TBL1X: variants seen among roughly 807,000 people sequenced by gnomAD.
The protein encoded by TBL1X is transducin beta like 1 X-linked.
Under a neutral mutation model 50.7 loss-of-function variants are expected in TBL1X, and 10 were observed. The observed-to-expected ratio is 0.20, with a 90% CI of 0.12 to 0.33. The LOEUF is 0.33. Among genes scored for constraint, TBL1X ranks in the 10% least tolerant of loss-of-function variants. The pLI, the probability that TBL1X is intolerant of heterozygous loss-of-function variation, is 1.00. For missense variants in TBL1X, 340 were observed against 504.4 expected (o/e 0.67, Z 3.12); for synonymous variants, 190 against 214.7 (o/e 0.88, Z 1.01).
At chrX:9,566,106 A>G (rs2082350176) in intron 2 of TBL1X, among the ~76,000 whole-genome samples, 1 of 112,212 alleles carries the variant, frequency 8.9e-6, no homozygotes, top group African/African-American at 3.2e-5. Flanking sequence ...ACATTTTGGC[A>G]TAGTTAAAAG....
At chrX:9,675,571 T>C (rs2082988630) in intron 5 of TBL1X, among the ~76,000 whole-genome samples, 1 of 111,462 alleles carries the variant, frequency 9.0e-6, no homozygotes, top group Admixed American at 9.5e-5. Context: ...TCTGTGACCA[T>C]GATGATTATA....
intron 2 of TBL1X, among the ~76,000 whole-genome samples, chrX:9,541,774 C>T (rs1020832414): frequency 9.0e-6 from 1 of 111,271 alleles, no homozygotes; most frequent in African/African-American, 3.3e-5. Context: ...TTGGTCACCC[C>T]TCACTTGGCA....
At chrX:9,661,972 AACC>A (rs1200771801) in intron 5 of TBL1X, among the ~76,000 whole-genome samples, 4 of 111,542 alleles carry the variant, frequency 3.6e-5, no homozygotes, top group African/African-American at 9.8e-5. Context: ...GTTCAAAGCC[AACC>A]AGTCTGGATT....
At chrX:9,541,451 T>C (rs192083347) in intron 2 of TBL1X, among the ~76,000 whole-genome samples, 1 of 111,866 alleles carries the variant, frequency 8.9e-6, no homozygotes, top group Admixed American at 9.5e-5. Context: ...TTGGAGCCCA[T>C]GGGAACTGAT....
chrX:9,660,226 G>A (rs2082889842), intron 5 of TBL1X, among the ~76,000 whole-genome samples: 1 of 112,428 alleles, frequency 8.9e-6, no homozygotes, highest in Non-Finnish European at 1.9e-5. Flanking sequence ...TTCCCTACCT[G>A]GAGCTTTGTG....
chrX:9,536,365 G>C (rs756748846), intron 2 of TBL1X, among the ~76,000 whole-genome samples: 44 of 108,761 alleles, frequency 4.0e-4, no homozygotes, highest in African/African-American at 1.3e-3. Context: ...ATTCTTCTGC[G>C]TCAGCCTCCG....
At chrX:9,675,324 G>A (rs5933750) in intron 5 of TBL1X, among the ~76,000 whole-genome samples, 37,344 of 110,963 alleles carry the variant, frequency 0.34, 5,077 homozygotes, top group African/African-American at 0.49. Context: ...CAGGAAGGAG[G>A]AAAAGATGCT....
At chrX:9,616,787 T>C (rs1242886902) in intron 2 of TBL1X, among the ~76,000 whole-genome samples, 1 of 111,846 alleles carries the variant, frequency 8.9e-6, no homozygotes, top group Non-Finnish European at 1.9e-5. Flanking sequence ...GTTTCCTCAG[T>C]GTATGGGTTC....
intron 2 of TBL1X, among the ~76,000 whole-genome samples, chrX:9,564,133 G>A: frequency 8.9e-6 from 1 of 112,479 alleles, no homozygotes; most frequent in East Asian, 2.8e-4. Context: ...GAATAAAGAT[G>A]TTTGGGCCGG....
chrX:9,641,493 T>A (rs2146588950), intron 3 of TBL1X, among the ~76,000 whole-genome samples: 1 of 112,593 alleles, frequency 8.9e-6, no homozygotes, highest in Non-Finnish European at 1.9e-5. Context: ...AAAGATAGAA[T>A]TTTGAGGAAG....
chrX:9,690,899 CTTGTTG>C (rs765757640), intron 7 of TBL1X, among the ~76,000 whole-genome samples: 41 of 110,253 alleles, frequency 3.7e-4, no homozygotes, highest in Admixed American at 2.1e-3. Flanking sequence ...TGGCTAACTT[CTTGTTG>C]TTGTTGTTGT....
intron 2 of TBL1X, among the ~76,000 whole-genome samples, chrX:9,554,486 A>G (rs1313815290): frequency 8.9e-6 from 1 of 112,378 alleles, no homozygotes; most frequent in Non-Finnish European, 1.9e-5. Context: ...TATAATTTGA[A>G]TTAGAAAGCC....
chrX:9,514,406 G>C (rs2082071660), intron 2 of TBL1X, among the ~76,000 whole-genome samples: 1 of 110,840 alleles, frequency 9.0e-6, no homozygotes, highest in Non-Finnish European at 1.9e-5. Flanking sequence ...TAGTTACAGA[G>C]AGGTTTTTCC....
At chrX:9,707,815 G>A (rs1191853172) in intron 13 of TBL1X, among the ~76,000 whole-genome samples, 1 of 111,922 alleles carries the variant, frequency 8.9e-6, no homozygotes, top group Non-Finnish European at 1.9e-5. Flanking sequence ...CCGGGCTCTC[G>A]CAGCAGCCTG....
chrX:9,511,256 T>G (rs1849165464), intron 2 of TBL1X, among the ~76,000 whole-genome samples: 1 of 112,279 alleles, frequency 8.9e-6, no homozygotes, highest in South Asian at 3.7e-4. Context: ...TCACGGTCTT[T>G]CATTCTTTTC....
chrX:9,684,207 C>T lies in TBL1X; in HGVS notation c.357+19C>T, dbSNP rs781693087. 9.5e-5 allele frequency: 115 copies of T among 1,208,859 alleles called. No homozygotes were observed. In the East Asian group the frequency reaches 3.0e-3, roughly 32 times the overall value. ...CAACGAGGTACGTAGCTGCTGGGCC[C>T]GGCCCCCAAACAGCAGAGCCCTGGG... On this transcript the variant is annotated intron_variant, in intron 6 of 17. Coordinates refer to ENST00000645353, the MANE Select transcript of TBL1X (RefSeq NM_005647.4).
intron 1 of TBL1X, among the ~76,000 whole-genome samples, chrX:9,474,648 G>A (rs1325405750): frequency 8.8e-6 from 1 of 113,012 alleles, no homozygotes; most frequent in Non-Finnish European, 1.9e-5. Flanking sequence ...GGAAACCTTG[G>A]AACAATGCTA....
intron 2 of TBL1X, among the ~76,000 whole-genome samples, chrX:9,531,453 C>G (rs761330520): frequency 8.0e-4 from 78 of 97,146 alleles, no homozygotes; most frequent in African/African-American, 2.8e-3. Flanking sequence ...ATAAATATTT[C>G]TTGGTTGATT....
chrX:9,654,423 A>G (rs1374717209), intron 5 of TBL1X, 101 bp downstream of exon 5: 1 of 924,062 alleles, frequency 1.1e-6, no homozygotes, highest in African/African-American at 1.9e-5. Context: ...AAGAAGAAGA[A>G]GAAGAGCTAA....
Sources: gnomAD v4.1 joint callset for allele counts (sites outside exome capture counted in the v4.1 genomes callset) on GRCh38, gnomAD v4.1.1 for gene constraint, MANE v1.5 for transcripts, NCBI Gene and HGNC (gene_info 2026-07-23, HGNC 2026-07-21) for gene names.